The following EEIG2 variants were observed in gnomAD, a reference collection of about 807,000 sequenced individuals.
EEIG2 encodes EEIG family member 2, also known as family with sequence similarity 102 member B.
At chr1:108,573,513 A>T in the EEIG2 span, among the ~76,000 whole-genome samples, 1 of 152,228 alleles carries the variant, frequency 6.6e-6, no homozygotes, top group Admixed American at 6.5e-5. Context: ...GCCTTTAGTG[A>T]TGAGGATATT....
At chr1:108,630,024 G>A in the EEIG2 span, among the ~76,000 whole-genome samples, 1 of 152,164 alleles carries the variant, frequency 6.6e-6, no homozygotes, top group Non-Finnish European at 1.5e-5. Context: ...TGTTGCCCAA[G>A]CTGGAGTGCA....
the EEIG2 span, chr1:108,628,229 T>C: frequency 6.2e-6 from 10 of 1,614,174 alleles, no homozygotes; most frequent in South Asian, 9.9e-5. Flanking sequence ...TTCTAGAACA[T>C]CAAGCTATGC....
the EEIG2 span, among the ~76,000 whole-genome samples, chr1:108,582,797 C>T: frequency 6.5e-3 from 989 of 152,138 alleles, 6 homozygotes; most frequent in Admixed American, 1.0e-2. Context: ...ACTTGATAAG[C>T]GCATGAACAG....
At chr1:108,636,165 C>T in the EEIG2 span, 9 of 152,238 alleles carry the variant, frequency 5.9e-5, no homozygotes, top group South Asian at 4.1e-4. Flanking sequence ...CCCACTGTGT[C>T]GAAAGTGATT....
At chr1:108,569,599 A>G in the EEIG2 span, among the ~76,000 whole-genome samples, 4 of 152,222 alleles carry the variant, frequency 2.6e-5, no homozygotes, top group African/African-American at 7.2e-5. Flanking sequence ...CTGGGATTAC[A>G]GGTGTGAGTC....
chr1:108,592,879 C>T, the EEIG2 span, among the ~76,000 whole-genome samples: 1 of 152,000 alleles, frequency 6.6e-6, no homozygotes, highest in Non-Finnish European at 1.5e-5. Flanking sequence ...GTGACTTGGC[C>T]AGGCATGGTG....
the EEIG2 span, among the ~76,000 whole-genome samples, chr1:108,565,361 T>C: frequency 6.6e-6 from 1 of 152,214 alleles, no homozygotes; most frequent in Non-Finnish European, 1.5e-5. Flanking sequence ...TCTGACCACA[T>C]CGTGTATTTG....
chr1:108,597,371 G>GC, the EEIG2 span, among the ~76,000 whole-genome samples: 1 of 152,140 alleles, frequency 6.6e-6, no homozygotes, highest in African/African-American at 2.4e-5. Flanking sequence ...CATTACCCCA[G>GC]CCAGCATGCT....
chr1:108,593,778 A>C, the EEIG2 span, among the ~76,000 whole-genome samples: 1 of 151,954 alleles, frequency 6.6e-6, no homozygotes, highest in Non-Finnish European at 1.5e-5. Flanking sequence ...CTAAAGAAGA[A>C]GACTTAGTTT....
At chr1:108,581,669 G>C in the EEIG2 span, among the ~76,000 whole-genome samples, 1 of 152,188 alleles carries the variant, frequency 6.6e-6, no homozygotes, top group Non-Finnish European at 1.5e-5. Context: ...CTGAAGATGT[G>C]ACTGAATTGC....
the EEIG2 span, among the ~76,000 whole-genome samples, chr1:108,589,099 C>A: frequency 6.6e-6 from 1 of 152,006 alleles, no homozygotes; most frequent in South Asian, 2.1e-4. Flanking sequence ...TTCTTTTTAT[C>A]TCCTCATGAT....
At chr1:108,599,031 A>G in the EEIG2 span, among the ~76,000 whole-genome samples, 4 of 152,064 alleles carry the variant, frequency 2.6e-5, no homozygotes, top group East Asian at 1.9e-4. Flanking sequence ...TGAGTGTGGT[A>G]GTGTATGCCT....
At chr1:108,624,920 C>A in the EEIG2 span, 1 of 583,686 alleles carries the variant, frequency 1.7e-6, no homozygotes, top group Non-Finnish European at 3.1e-6. Flanking sequence ...AAGTATTGTG[C>A]TCTGACAGAT....
chr1:108,602,595 T>C, the EEIG2 span, among the ~76,000 whole-genome samples: 1 of 152,148 alleles, frequency 6.6e-6, no homozygotes, highest in Admixed American at 6.6e-5. Flanking sequence ...AGACCCTATT[T>C]CTGGCCAGGT....
chr1:108,607,663 A>G, the EEIG2 span, among the ~76,000 whole-genome samples: 1 of 152,190 alleles, frequency 6.6e-6, no homozygotes, highest in East Asian at 1.9e-4. Context: ...GTCTCAGTAA[A>G]TAAATAAATA....
chr1:108,592,581 T>C, the EEIG2 span, among the ~76,000 whole-genome samples: 1 of 152,194 alleles, frequency 6.6e-6, no homozygotes, highest in Non-Finnish European at 1.5e-5. Context: ...TAGGGGCTTA[T>C]TGCCCAGGAA....
the EEIG2 span, chr1:108,628,337 T>A: frequency 1.2e-6 from 2 of 1,611,486 alleles, no homozygotes; most frequent in East Asian, 2.2e-5. Context: ...GGGGGAACGA[T>A]GTCAGATTGC....
chr1:108,637,809 C>T, the EEIG2 span: 1 of 152,576 alleles, frequency 6.6e-6, no homozygotes, highest in African/African-American at 2.4e-5. Flanking sequence ...AGACCCACCT[C>T]CTCCTGTGCC....
At chr1:108,630,124 A>G in the EEIG2 span, among the ~76,000 whole-genome samples, 1 of 152,214 alleles carries the variant, frequency 6.6e-6, no homozygotes, top group Non-Finnish European at 1.5e-5. Context: ...GACCATAGGC[A>G]TGCGCCACTG....
Sources: allele counts gnomAD v4.1 joint callset (sites outside exome capture counted in the v4.1 genomes callset), GRCh38; gene constraint gnomAD v4.1.1; transcripts MANE v1.5; gene names NCBI Gene and HGNC (gene_info 2026-07-23, HGNC 2026-07-21).